The following TUBGCP4 variants were observed in gnomAD, a reference collection of about 807,000 sequenced individuals.
TUBGCP4 encodes tubulin gamma complex component 4.
A neutral mutation model predicts 91.6 loss-of-function variants in TUBGCP4; 54 were observed. The ratio of observed to expected loss-of-function variants is 0.59; its 90% CI spans 0.47 to 0.74. The LOEUF (loss-of-function observed/expected upper bound fraction) is 0.74, where lower values mean the gene tolerates loss of function less well. TUBGCP4 is among the 30% of genes least tolerant of loss of function. TUBGCP4 has a pLI of 0.00. For missense variants in TUBGCP4, 593 were observed against 800.9 expected (o/e 0.74, Z 3.13); for synonymous variants, 297 against 302.8 (o/e 0.98, Z 0.20).
chr15:43,404,707 TG>T (rs1403721818), intron 17 of TUBGCP4, 155 bp downstream of exon 17: 33 of 792,932 alleles, frequency 4.2e-5, no homozygotes, highest in Non-Finnish European at 6.0e-5. Flanking sequence ...ATAATTTTAA[TG>T]GAGGTTATTT....
chr15:43,408,717 A>T lies in TUBGCP4; in HGVS notation c.*3503A>T. 1.6e-6 allele frequency: 1 copy of T among 618,480 alleles called. No individual in the cohort carries two copies. Among genetic ancestry groups the T allele is most frequent in the Non-Finnish European group, 2.8e-6 (1 of 356,130 alleles). 38.3% of individuals were successfully genotyped at this position (618,480 alleles called of 1,614,324 possible). A position where few individuals can be genotyped will look rare whatever the true frequency, so the allele number is the denominator to read the frequency against. The stretch of plus-strand genomic sequence containing the variant: ...CTTCACACATTTGCAAAAGGTTCCT[A>T]GCCAATGTAACCTAGGGAAATAAAC... On this transcript the variant is annotated 3_prime_UTR_variant, in exon 18 of 18. Transcript: ENST00000564079.
chr15:43,376,935 ATTCTC>A, intron 3 of TUBGCP4, 74 bp from the exon 4 acceptor site: 1 of 1,234,058 alleles, frequency 8.1e-7, no homozygotes, highest in Non-Finnish European at 1.2e-6. Flanking sequence ...CCATCATGAG[ATTCTC>A]TTCTCATTTT....
chr15:43,373,912 A>G (rs900459038), intron 1 of TUBGCP4, among the ~76,000 whole-genome samples: 2 of 152,168 alleles, frequency 1.3e-5, no homozygotes, highest in African/African-American at 2.4e-5. Context: ...TCGGCCTCCC[A>G]AAGTGCTGGG....
chr15:43,392,007 A>G (rs2044476298), intron 9 of TUBGCP4, among the ~76,000 whole-genome samples: 1 of 151,844 alleles, frequency 6.6e-6, no homozygotes. Context: ...GCAAGCTGAG[A>G]TGGTGCCACT....
At position 43,408,727 on chromosome 15, in the gene TUBGCP4, A is replaced by G. The variant is rs2045012146; in HGVS notation, c.*3513A>G. On this transcript the variant is annotated 3_prime_UTR_variant, in exon 18 of 18. Transcript: ENST00000564079. ...TTGCAAAAGGTTCCTAGCCAATGTA[A>G]CCTAGGGAAATAAACTAGATAAACT... 6 of 645,784 alleles carry G rather than the reference A, an allele frequency of 9.3e-6. No homozygotes were observed. In the Admixed American group the frequency reaches 1.4e-4, roughly 16 times the overall value. 40.0% of individuals were successfully genotyped at this position (645,784 alleles called of 1,614,324 possible).
At chr15:43,396,111 C>T (rs1049232915) in intron 11 of TUBGCP4, among the ~76,000 whole-genome samples, 1 of 152,318 alleles carries the variant, frequency 6.6e-6, no homozygotes, top group Middle Eastern at 3.4e-3. Context: ...GATTCATTCT[C>T]TCTCTCTCTC....
chr15:43,382,877 C>CA (rs1245080542), intron 6 of TUBGCP4, among the ~76,000 whole-genome samples: 6 of 152,162 alleles, frequency 3.9e-5, no homozygotes, highest in Non-Finnish European at 7.4e-5. Flanking sequence ...ACCTGGCACT[C>CA]ACGTATTGAA....
At chr15:43,379,702 T>C (rs944783912) in intron 5 of TUBGCP4, among the ~76,000 whole-genome samples, 4 of 150,024 alleles carry the variant, frequency 2.7e-5, no homozygotes, top group Non-Finnish European at 4.5e-5. Context: ...TGAAAAAGTA[T>C]ATACCTTAGA....
In TUBGCP4 at chr15:43,408,278, G is replaced by T; in HGVS notation, c.*3064G>T. 1 of 570,752 alleles carries T rather than the reference G, an allele frequency of 1.8e-6. No homozygotes were observed. The highest frequency in any genetic ancestry group is 3.1e-6 in the Non-Finnish European group (1 of 327,620). The allele number at this position is 570,752 out of a possible 1,614,324, so 35.4% of individuals were successfully genotyped here. ...GGATCTCTTGGGCCTGGGAGTTCGA[G>T]ACCAGCCTGGGCAATGTGGTGAGAC... On this transcript the variant is annotated 3_prime_UTR_variant, in exon 18 of 18. Coordinates refer to ENST00000564079, the MANE Select transcript of TUBGCP4 (RefSeq NM_014444.5).
In TUBGCP4 at chr15:43,407,368, T is replaced by C; in HGVS notation, c.*2154T>C. The C allele has an allele frequency of 6.2e-7, 1 of 1,612,432 alleles. No homozygotes were observed. Among genetic ancestry groups the C allele is most frequent in the Non-Finnish European group, 8.5e-7 (1 of 1,178,572 alleles). ...CCACGATAGCAGGGAATAAAACCAG[T>C]AAGACCAAGTATCTTTAGTGAGAAA... is the stretch of plus-strand genomic sequence containing the variant. On this transcript the variant is annotated 3_prime_UTR_variant, in exon 18 of 18. Coordinates refer to ENST00000564079, the MANE Select transcript of TUBGCP4 (RefSeq NM_014444.5).
At chr15:43,392,808 C>T (rs183537985) in intron 9 of TUBGCP4, among the ~76,000 whole-genome samples, 52 of 152,158 alleles carry the variant, frequency 3.4e-4, no homozygotes, top group African/African-American at 1.2e-3. Flanking sequence ...CTAATATATT[C>T]TTTACTTAGA....
chr15:43,376,918 C>A, intron 3 of TUBGCP4, 96 bp from the exon 4 acceptor site: 1 of 1,125,260 alleles, frequency 8.9e-7, no homozygotes, highest in Non-Finnish European at 1.3e-6. Flanking sequence ...AAAATTAACA[C>A]TTAAGCCCAT....
chr15:43,400,206 T>G lies in TUBGCP4; in HGVS notation c.1581T>G (p.Leu527=), dbSNP rs199758873. The G allele has an allele frequency of 2.0e-4, 328 of 1,614,064 alleles. No homozygotes were observed. The African/African-American group carries it at 4.2e-3, about 21-fold the overall frequency. ...RNHMAFLVDN[L]QYYLQVDVLE... ...ACATGGCATTTTTGGTGGATAATCT[T>G]CAGTACTATCTCCAGGTCTGTGCTA... The change falls in exon 14 of 18, where the codon CTT becomes CTG. Residue 527 remains leucine (L), a synonymous_variant. Transcript: ENST00000564079.
At chr15:43,382,887 A>AT (rs1312057060) in intron 6 of TUBGCP4, among the ~76,000 whole-genome samples, 2 of 152,218 alleles carry the variant, frequency 1.3e-5, no homozygotes, top group East Asian at 3.8e-4. Context: ...CACGTATTGA[A>AT]TATTCTCTCC....
chr15:43,396,406 C>T (rs1157829864), intron 11 of TUBGCP4, among the ~76,000 whole-genome samples: 1 of 152,154 alleles, frequency 6.6e-6, no homozygotes, highest in Admixed American at 6.5e-5. Context: ...GATGTCCATT[C>T]CCATTCATAC....
intron 7 of TUBGCP4, among the ~76,000 whole-genome samples, chr15:43,383,933 T>G (rs2044320960): frequency 6.6e-6 from 1 of 152,108 alleles, no homozygotes; most frequent in Non-Finnish European, 1.5e-5. Flanking sequence ...CCCAAGTACC[T>G]GGAACCAGGC....
chr15:43,376,663 G>A (rs1215810100), intron 3 of TUBGCP4, 38 bp downstream of exon 3: 3 of 1,613,034 alleles, frequency 1.9e-6, no homozygotes, highest in African/African-American at 1.3e-5. Flanking sequence ...CTCTGGGACA[G>A]TAGATTAGGG....
rs909844846 is a variant in TUBGCP4 at position 43,407,308 on chromosome 15, C to A, written c.*2094C>A. The A allele has an allele frequency of 3.0e-6, 4 of 1,320,454 alleles. No homozygotes were observed. Among genetic ancestry groups the A allele is most frequent in the South Asian group, 2.6e-5 (2 of 76,668 alleles). The allele number at this position is 1,320,454 out of a possible 1,614,324, so 81.8% of individuals were successfully genotyped here. On this transcript the variant is annotated 3_prime_UTR_variant, in exon 18 of 18. Transcript: ENST00000564079. Reference sequence around the variant, plus strand: ...TCCATGCAAGGAATCCAGTTACACACAAGACACATTTAAAACCTGGTTAAA... The same window carrying A: ...TCCATGCAAGGAATCCAGTTACACAAAAGACACATTTAAAACCTGGTTAAA...
At chr15:43,388,324 T>C (rs142927335) in intron 9 of TUBGCP4, among the ~76,000 whole-genome samples, 1 of 152,372 alleles carries the variant, frequency 6.6e-6, no homozygotes, top group Non-Finnish European at 1.5e-5. Flanking sequence ...GGTTTCCCTT[T>C]CTAGTCACTG....
Sources: allele counts gnomAD v4.1 joint callset (sites outside exome capture counted in the v4.1 genomes callset), GRCh38; gene constraint gnomAD v4.1.1; transcripts MANE v1.5; gene names NCBI Gene and HGNC (gene_info 2026-07-23, HGNC 2026-07-21).